Variants in FUT9 observed in about 807,000 individuals in gnomAD.
FUT9 encodes fucosyltransferase 9.
FUT9 carries 15 observed loss-of-function variants against 29.7 expected under a neutral mutation model. That is an observed-to-expected ratio of 0.51 (90% CI 0.34 to 0.78). The LOEUF is 0.78. Ranked by LOEUF, FUT9 falls within the 30% of genes least tolerant of loss-of-function variation. The pLI, the probability that FUT9 is intolerant of heterozygous loss-of-function variation, is 0.01. For synonymous variants in FUT9, 169 were observed against 153.7 expected (o/e 1.10, Z -0.74); for missense variants, 319 against 425.4 (o/e 0.75, Z 2.20).
chr6:96,184,180 G>A (rs1378295469), intron 2 of FUT9, among the ~76,000 whole-genome samples: 1 of 151,970 alleles, frequency 6.6e-6, no homozygotes, highest in Non-Finnish European at 1.5e-5. Context: ...AGCTAGGAGG[G>A]TTGTATCTTT....
intron 2 of FUT9, among the ~76,000 whole-genome samples, chr6:96,172,446 A>G (rs1171314693): frequency 6.6e-6 from 1 of 152,180 alleles, no homozygotes; most frequent in Non-Finnish European, 1.5e-5. Context: ...TCTGAATACA[A>G]TTTCAGGTGA....
intron 2 of FUT9, among the ~76,000 whole-genome samples, chr6:96,199,470 T>G (rs146295290): frequency 6.6e-6 from 1 of 151,990 alleles, no homozygotes. Flanking sequence ...ATATAAAATA[T>G]CCAGGAAGCA....
chr6:96,134,393 T>C (rs1189539257), intron 2 of FUT9, among the ~76,000 whole-genome samples: 2 of 151,822 alleles, frequency 1.3e-5, no homozygotes, highest in East Asian at 3.8e-4. Context: ...AGTATAATAT[T>C]CCATTCTTTG....
At chr6:96,033,659 T>G (rs2127927909) in intron 1 of FUT9, among the ~76,000 whole-genome samples, 1 of 151,798 alleles carries the variant, frequency 6.6e-6, no homozygotes, top group South Asian at 2.1e-4. Context: ...GCACAGAATA[T>G]GTTAGACAGC....
At chr6:96,070,554 T>A (rs1448290228) in intron 1 of FUT9, among the ~76,000 whole-genome samples, 1 of 152,014 alleles carries the variant, frequency 6.6e-6, no homozygotes, top group African/African-American at 2.4e-5. Flanking sequence ...GGGCATGGTG[T>A]GGCACACCTG....
chr6:96,088,826 T>C (rs1410201646), intron 1 of FUT9, among the ~76,000 whole-genome samples: 1 of 152,214 alleles, frequency 6.6e-6, no homozygotes, highest in Non-Finnish European at 1.5e-5. Flanking sequence ...CATGACTGGC[T>C]ATTTTTTAAA....
rs1404191099 is a variant in FUT9, at chr6:96,208,681, T to G, written c.*4446T>G. The G allele has an allele frequency of 6.0e-6, 1 of 166,748 alleles. No individual in the cohort carries two copies. The highest frequency in any genetic ancestry group is 2.4e-5 in the African/African-American group (1 of 41,426). 10.3% of individuals were successfully genotyped at this position (166,748 alleles called of 1,614,324 possible). On this transcript the variant is annotated 3_prime_UTR_variant, in exon 3 of 3. Coordinates refer to ENST00000302103, the MANE Select transcript of FUT9 (RefSeq NM_006581.4). Reference sequence around the variant, plus strand: ...TTGTAAAGCATCAAAAGAAGTAACATCTCAAGAAAGATTAGAAAGGATTTG... The same window carrying G: ...TTGTAAAGCATCAAAAGAAGTAACAGCTCAAGAAAGATTAGAAAGGATTTG...
At chr6:96,109,089 T>G (rs867605967) in intron 1 of FUT9, among the ~76,000 whole-genome samples, 9 of 152,364 alleles carry the variant, frequency 5.9e-5, no homozygotes, top group African/African-American at 2.2e-4. Flanking sequence ...CTCCATGACC[T>G]CTTTTGGCAG....
intron 2 of FUT9, among the ~76,000 whole-genome samples, chr6:96,181,196 T>C (rs1213886544): frequency 2.0e-5 from 3 of 152,060 alleles, no homozygotes; most frequent in Non-Finnish European, 4.4e-5. Context: ...CACATTGTCA[T>C]ATCAGACTCA....
intron 2 of FUT9, among the ~76,000 whole-genome samples, chr6:96,198,387 A>G (rs1321412131): frequency 8.9e-4 from 135 of 151,752 alleles, no homozygotes; most frequent in African/African-American, 3.0e-3. Flanking sequence ...TTGTTCTTGC[A>G]ATAGTTTACT....
chr6:96,140,104 T>A (rs929581268), intron 2 of FUT9, among the ~76,000 whole-genome samples: 40 of 152,248 alleles, frequency 2.6e-4, no homozygotes, highest in African/African-American at 9.6e-4. Flanking sequence ...CTAAATTATC[T>A]CTCTTAAGTT....
chr6:96,016,683 T>G (rs865968623), intron 1 of FUT9, among the ~76,000 whole-genome samples: 54 of 152,292 alleles, frequency 3.5e-4, no homozygotes, highest in African/African-American at 1.3e-3. Context: ...CGAGCCCGAC[T>G]GTCCCGTCCT....
chr6:96,081,458 C>A (rs927367417), intron 1 of FUT9, among the ~76,000 whole-genome samples: 14 of 151,764 alleles, frequency 9.2e-5, no homozygotes, highest in Non-Finnish European at 1.8e-4. Context: ...TATGCTGATA[C>A]GTCTATTTGT....
At chr6:96,086,306 C>T (rs529121678) in intron 1 of FUT9, among the ~76,000 whole-genome samples, 1 of 152,266 alleles carries the variant, frequency 6.6e-6, no homozygotes, top group East Asian at 1.9e-4. Context: ...GCTATGCAGT[C>T]TACCTTTCTT....
At chr6:96,124,062 G>C (rs1242444929) in intron 2 of FUT9, among the ~76,000 whole-genome samples, 2 of 151,462 alleles carry the variant, frequency 1.3e-5, no homozygotes, top group African/African-American at 4.8e-5. Context: ...TTATTGTCAA[G>C]AAATTATATA....
At chr6:96,134,697 T>C (rs752884607) in intron 2 of FUT9, among the ~76,000 whole-genome samples, 4 of 151,836 alleles carry the variant, frequency 2.6e-5, no homozygotes, top group Admixed American at 6.6e-5. Context: ...TACCAAATAG[T>C]GCAACTGAAA....
At chr6:96,138,157 C>A (rs188650964) in intron 2 of FUT9, among the ~76,000 whole-genome samples, 1 of 152,260 alleles carries the variant, frequency 6.6e-6, no homozygotes, top group East Asian at 1.9e-4. Flanking sequence ...GTTACTCATG[C>A]CCTCTCTTGA....
intron 1 of FUT9, among the ~76,000 whole-genome samples, chr6:96,055,391 T>C (rs1250989826): frequency 6.6e-6 from 1 of 151,828 alleles, no homozygotes; most frequent in Non-Finnish European, 1.5e-5. Context: ...GGTTTGTTTT[T>C]TTTCTTTACG....
chr6:96,093,844 G>A (rs1771453188), intron 1 of FUT9, among the ~76,000 whole-genome samples: 1 of 152,090 alleles, frequency 6.6e-6, no homozygotes, highest in Non-Finnish European at 1.5e-5. Context: ...GTTTACAAAT[G>A]AATAAATTAA....
Sources: allele counts gnomAD v4.1 joint callset (sites outside exome capture counted in the v4.1 genomes callset), GRCh38; gene constraint gnomAD v4.1.1; transcripts MANE v1.5; gene names NCBI Gene and HGNC (gene_info 2026-07-23, HGNC 2026-07-21).